Variants in FAM76A observed in about 807,000 individuals in gnomAD.
FAM76A encodes the protein protein FAM76A.
A neutral mutation model predicts 46.2 loss-of-function variants in FAM76A; 32 were observed. The observed-to-expected ratio is 0.69, with a 90% CI of 0.52 to 0.93. The LOEUF (loss-of-function observed/expected upper bound fraction) is 0.93, where lower values mean the gene tolerates loss of function less well. Among genes scored for constraint, FAM76A ranks in the 40% least tolerant of loss-of-function variants. The pLI, the probability that FAM76A is intolerant of heterozygous loss-of-function variation, is 0.00. For missense variants in FAM76A, 274 were observed against 361.5 expected (o/e 0.76, Z 1.96); for synonymous variants, 137 against 127.0 (o/e 1.08, Z -0.53).
At chr1:27,737,166 C>T (rs1279338164) in intron 4 of FAM76A, among the ~76,000 whole-genome samples, 1 of 152,116 alleles carries the variant, frequency 6.6e-6, no homozygotes. Context: ...TCAGGCTGCT[C>T]TCGAATTGCT....
At chr1:27,733,547 A>G (rs1433967501) in intron 3 of FAM76A, among the ~76,000 whole-genome samples, 1 of 152,186 alleles carries the variant, frequency 6.6e-6, no homozygotes, top group Admixed American at 6.6e-5. Flanking sequence ...TTCACATAGT[A>G]TTAAGAATTG....
In FAM76A at chr1:27,748,120, G is replaced by GTTT. The variant is rs775627660; in HGVS notation, c.513-927_513-925dup. On this transcript the variant is annotated intron_variant, in intron 5 of 8. Transcript: ENST00000373954. ...ATGTGAGACAGTAAATGTAAAAGAA[G>GTTT]TTTTTTTTTTTTTTTTTTTTTTTGA... 2.2e-3 allele frequency among the ~76,000 whole-genome samples: 233 copies of GTTT among 108,348 alleles called. 1 individual carries two copies. Among genetic ancestry groups the GTTT allele is most frequent in the African/African-American group, 4.8e-3 (123 of 25,626 alleles). 71.1% of individuals were successfully genotyped at this position (108,348 alleles called of 152,430 possible).
At chr1:27,755,637 C>A (rs1462494048) in intron 7 of FAM76A, among the ~76,000 whole-genome samples, 1 of 152,156 alleles carries the variant, frequency 6.6e-6, no homozygotes, top group Non-Finnish European at 1.5e-5. Flanking sequence ...TGCAGTGGCA[C>A]AATCATGGCT....
At chr1:27,730,057 T>A (rs919420536) in intron 2 of FAM76A, among the ~76,000 whole-genome samples, 3 of 152,256 alleles carry the variant, frequency 2.0e-5, no homozygotes, top group Non-Finnish European at 4.4e-5. Context: ...AATTTAGGTC[T>A]ATGGTCCATC....
At chr1:27,753,324 A>G (rs1453469810) in intron 6 of FAM76A, among the ~76,000 whole-genome samples, 3 of 152,206 alleles carry the variant, frequency 2.0e-5, no homozygotes, top group Non-Finnish European at 2.9e-5. Context: ...GTTTGGGGAC[A>G]ACAAAAAGTT....
intron 6 of FAM76A, among the ~76,000 whole-genome samples, chr1:27,754,095 C>T (rs972080636): frequency 2.0e-5 from 3 of 149,490 alleles, no homozygotes; most frequent in Non-Finnish European, 4.4e-5. Context: ...TGAAACTATC[C>T]CTTCTTTTTT....
chr1:27,758,484 A>G (rs2088452557), intron 7 of FAM76A, among the ~76,000 whole-genome samples: 1 of 151,986 alleles, frequency 6.6e-6, no homozygotes, highest in African/African-American at 2.4e-5. Context: ...TGCTTTGCAG[A>G]GATAGTTTTT....
chr1:27,743,833 C>T (rs2088195913), intron 4 of FAM76A, among the ~76,000 whole-genome samples: 2 of 151,546 alleles, frequency 1.3e-5, no homozygotes, highest in Admixed American at 1.3e-4. Flanking sequence ...CCTGGCTACT[C>T]AGGATGCTGA....
intron 4 of FAM76A, among the ~76,000 whole-genome samples, chr1:27,742,395 A>G (rs1304526508): frequency 6.6e-6 from 1 of 152,114 alleles, no homozygotes; most frequent in African/African-American, 2.4e-5. Context: ...GCCCTGCTCC[A>G]TGGTGCAGAG....
rs908272393 is a variant in FAM76A at position 27,762,179 on chromosome 1, G to T, written c.*1598G>T. 12 of 152,096 alleles carry T rather than the reference G, an allele frequency of 7.9e-5. No individual in the cohort carries two copies. Among genetic ancestry groups the T allele is most frequent in the African/African-American group, 2.4e-4 (10 of 41,404 alleles). 9.4% of individuals were successfully genotyped at this position (152,096 alleles called of 1,614,324 possible). On this transcript the variant is annotated 3_prime_UTR_variant, in exon 9 of 9. Coordinates refer to ENST00000373954, the MANE Select transcript of FAM76A (RefSeq NM_152660.3). Reference sequence around the variant, plus strand: ...AGCACTTTGCCTCAACCAGAGTTATGTATGCCCTGCCTATCTTCCCTTCTT... The same window carrying T: ...AGCACTTTGCCTCAACCAGAGTTATTTATGCCCTGCCTATCTTCCCTTCTT...
At chr1:27,747,493 T>A (rs1486063297) in intron 5 of FAM76A, among the ~76,000 whole-genome samples, 1 of 152,204 alleles carries the variant, frequency 6.6e-6, no homozygotes, top group Non-Finnish European at 1.5e-5. Context: ...AGTGAAAGGA[T>A]TGCATAGCAG....
In FAM76A at chr1:27,744,460, G is replaced by A. The variant is rs144698632; in HGVS notation, c.355-194G>A. On this transcript the variant is annotated intron_variant, in intron 4 of 8. Transcript: ENST00000373954. Reference sequence around the variant, plus strand: ...GAAATTTATTAAGCAACTTTTATGTGCCTGGCACTATGTTAAGTGCTTTAC... The same window carrying A: ...GAAATTTATTAAGCAACTTTTATGTACCTGGCACTATGTTAAGTGCTTTAC... Among the ~76,000 whole-genome samples the A allele has an allele frequency of 1.8e-3, 267 of 152,248 alleles. 1 individual carries two copies. The highest frequency in any genetic ancestry group is 6.2e-3 in the African/African-American group (259 of 41,560).
intron 5 of FAM76A, among the ~76,000 whole-genome samples, chr1:27,746,414 T>C (rs1437742079): frequency 6.6e-6 from 1 of 152,098 alleles, no homozygotes; most frequent in Non-Finnish European, 1.5e-5. Flanking sequence ...GGTTTGGACA[T>C]GGGCCATAGG....
chr1:27,758,765 CT>C (rs1461668308), intron 7 of FAM76A, among the ~76,000 whole-genome samples: 1 of 151,576 alleles, frequency 6.6e-6, no homozygotes, highest in African/African-American at 2.4e-5. Flanking sequence ...GTATTCCGCC[CT>C]TTTGGCCTCC....
intron 3 of FAM76A, 75 bp from the exon 4 acceptor site, chr1:27,733,956 G>A (rs2088001005): frequency 7.0e-7 from 1 of 1,426,096 alleles, no homozygotes; most frequent in Admixed American, 2.2e-5. Context: ...CTACAAAGTA[G>A]GAATTATTGC....
intron 1 of FAM76A, 120 bp downstream of exon 1, chr1:27,726,281 T>C (rs2087857333): frequency 1.1e-6 from 1 of 900,264 alleles, no homozygotes; most frequent in East Asian, 3.5e-5. Context: ...CCCGCCAGGC[T>C]GAGGAGCCGC....
chr1:27,737,721 A>G (rs2088074238), intron 4 of FAM76A, among the ~76,000 whole-genome samples: 4 of 151,864 alleles, frequency 2.6e-5, no homozygotes, highest in South Asian at 2.1e-4. Context: ...GCATGGTGAC[A>G]TGTGCCTATA....
Position 27,761,281 on chromosome 1 carries a change from C to G in FAM76A, c.*700C>G, listed in dbSNP as rs1179712266. The stretch of plus-strand genomic sequence containing the variant: ...CTCTTGAAAAAAAAACAGTCCTATT[C>G]ACTAGCTTTTAGTAAAAGAATCAGA... On this transcript the variant is annotated 3_prime_UTR_variant, in exon 9 of 9. Coordinates refer to ENST00000373954, the MANE Select transcript of FAM76A (RefSeq NM_152660.3). The G allele has an allele frequency of 2.0e-5, 3 of 152,064 alleles. No homozygotes were observed. In the East Asian group the frequency reaches 5.8e-4, roughly 29 times the overall value. 9.4% of individuals were successfully genotyped at this position (152,064 alleles called of 1,614,324 possible). A position where few individuals can be genotyped will look rare whatever the true frequency, so the allele number is the denominator to read the frequency against.
At position 27,726,022 on chromosome 1, in the gene FAM76A, A is replaced by G; in HGVS notation, c.-59A>G. 8.1e-7 allele frequency: 1 copy of G among 1,230,102 alleles called. No homozygotes were observed. 76.2% of individuals were successfully genotyped at this position (1,230,102 alleles called of 1,614,324 possible). On this transcript the variant is annotated 5_prime_UTR_variant, in exon 1 of 9. Transcript: ENST00000373954. ...CAGCCGCCGCCGGGTTGTGCCTCAG[A>G]CTGTCAGATAAATCGGCGGGCCGGG...
Sources: allele counts gnomAD v4.1 joint callset (sites outside exome capture counted in the v4.1 genomes callset), GRCh38; gene constraint gnomAD v4.1.1; transcripts MANE v1.5; gene names NCBI Gene and HGNC (gene_info 2026-07-23, HGNC 2026-07-21).